Variants in VPS8 observed in about 807,000 individuals in gnomAD.
VPS8 encodes VPS8 subunit of CORVET complex.
Under a neutral mutation model 216.4 loss-of-function variants are expected in VPS8, and 129 were observed. The observed-to-expected ratio is 0.60, with a 90% CI of 0.52 to 0.69. The LOEUF (loss-of-function observed/expected upper bound fraction) is 0.69. Among genes scored for constraint, VPS8 ranks in the 30% least tolerant of loss-of-function variants. The pLI, the probability that VPS8 is intolerant of heterozygous loss-of-function variation, is 0.00. For missense variants in VPS8, 1,531 were observed against 1,683.5 expected, an observed-to-expected ratio of 0.91 and a Z score of 1.59; for synonymous variants, 571 against 565.4, an observed-to-expected ratio of 1.01 and a Z score of -0.14.
chr3:184,910,208 A>T (rs1230240311), intron 25 of VPS8, among the ~76,000 whole-genome samples: 1 of 138,324 alleles, frequency 7.2e-6, no homozygotes, highest in Non-Finnish European at 1.5e-5. Flanking sequence ...ATCTCGGCTC[A>T]CTGCAAGCTC....
At chr3:184,916,442 A>G (rs1737613841) in intron 28 of VPS8, among the ~76,000 whole-genome samples, 1 of 152,212 alleles carries the variant, frequency 6.6e-6, no homozygotes, top group Non-Finnish European at 1.5e-5. Context: ...ACACCTAAAT[A>G]TTAATAGTGA....
chr3:184,823,420 A>G (rs1271296487), intron 1 of VPS8, among the ~76,000 whole-genome samples: 1 of 152,152 alleles, frequency 6.6e-6, no homozygotes, highest in African/African-American at 2.4e-5. Context: ...ATCCATCTTT[A>G]CTAACATACA....
chr3:184,869,646 A>AC, intron 20 of VPS8, 118 bp downstream of exon 20: 2 of 933,558 alleles, frequency 2.1e-6, no homozygotes, highest in South Asian at 1.6e-5. Flanking sequence ...TGTATTAAAA[A>AC]ACACACACAC....
intron 26 of VPS8, among the ~76,000 whole-genome samples, chr3:184,914,592 A>G (rs923902492): frequency 1.3e-5 from 2 of 152,222 alleles, no homozygotes; most frequent in African/African-American, 4.8e-5. Context: ...GTTTAACAGT[A>G]TCTGAGAACG....
At chr3:184,899,112 C>T (rs1734028610) in intron 24 of VPS8, among the ~76,000 whole-genome samples, 1 of 152,116 alleles carries the variant, frequency 6.6e-6, no homozygotes, top group Non-Finnish European at 1.5e-5. Flanking sequence ...GATCATTTTT[C>T]ACTTTTACTG....
At chr3:184,825,157 G>T in intron 2 of VPS8, 1 of 216,150 alleles carries the variant, frequency 4.6e-6, no homozygotes, top group Non-Finnish European at 9.7e-6. Flanking sequence ...TCCCTTCTTG[G>T]CCCCCACGTG....
chr3:184,862,954 G>C lies in VPS8; in HGVS notation c.1282G>C (p.Asp428His). Reference protein sequence around the residue: ...LDSVEKLHVIDRQTQEELETV... With the variant: ...LDSVEKLHVIHRQTQEELETV... ...CAGCGTAGAGAAGTTGCATGTGATTGATCGGCAAACACAAGAGGAATTGGA... is the reference window on the plus strand; with the variant it reads ...CAGCGTAGAGAAGTTGCATGTGATTCATCGGCAAACACAAGAGGAATTGGA... Residue 428 changes from aspartate to histidine, a missense_variant, in exon 16 of 48, where the codon GAT becomes CAT. This residue lies in a region of VPS8 where 1,318 missense variants were observed against 1,468.4 expected (regional missense o/e 0.90). Coordinates refer to ENST00000625842, the MANE Select transcript of VPS8 (RefSeq NM_001009921.3). 6.2e-7 allele frequency: 1 copy of C among 1,613,924 alleles called. No homozygotes were observed. The highest frequency in any genetic ancestry group is 1.7e-5 in the Admixed American group (1 of 60,028).
chr3:184,849,282 A>T, intron 9 of VPS8, 87 bp downstream of exon 9: 1 of 1,456,588 alleles, frequency 6.9e-7, no homozygotes, highest in East Asian at 2.4e-5. Context: ...AAAGACCAAA[A>T]TACGTGTTAT....
At chr3:184,839,675 G>A (rs376420864) in intron 6 of VPS8, 23 bp from the exon 7 acceptor site, 72 of 1,589,390 alleles carry the variant, frequency 4.5e-5, no homozygotes, top group Admixed American at 1.2e-4. Flanking sequence ...GTCTTAAAAC[G>A]TAATCTTCCC....
At chr3:185,035,456 A>AT (rs1758754466) in intron 46 of VPS8, among the ~76,000 whole-genome samples, 1 of 152,222 alleles carries the variant, frequency 6.6e-6, no homozygotes, top group Non-Finnish European at 1.5e-5. Context: ...GGTTCAATAT[A>AT]TGCAAATGAA....
chr3:185,000,004 A>G lies in VPS8; in HGVS notation c.4002+143A>G, dbSNP rs183758052. ...TACATGAAATGTTCTTTTCAGTCCT[A>G]TTTAGTGTTCGAAGAGCCTCTCCTC... On this transcript the variant is annotated intron_variant, in intron 45 of 47. Transcript: ENST00000625842. 60 of 949,652 alleles carry G rather than the reference A, an allele frequency of 6.3e-5. No homozygotes were observed. In the African/African-American group the frequency reaches 8.5e-4, roughly 13 times the overall value. The allele number at this position is 949,652 out of a possible 1,614,324, so 58.8% of individuals were successfully genotyped here. A position where few individuals can be genotyped will look rare whatever the true frequency, so the allele number is the denominator to read the frequency against.
intron 8 of VPS8, among the ~76,000 whole-genome samples, chr3:184,846,590 C>A (rs1723178867): frequency 6.6e-6 from 1 of 152,228 alleles, no homozygotes; most frequent in South Asian, 2.1e-4. Context: ...TGAATCAGAA[C>A]TCTGTGAAGT....
intron 36 of VPS8, among the ~76,000 whole-genome samples, chr3:184,949,053 C>T (rs1744194147): frequency 6.6e-6 from 1 of 152,058 alleles, no homozygotes; most frequent in Non-Finnish European, 1.5e-5. Context: ...CACCTGTAAC[C>T]TCACCACTTT....
At chr3:185,048,725 C>T (rs560730350) in intron 47 of VPS8, among the ~76,000 whole-genome samples, 166 bp downstream of exon 47, 14 of 152,242 alleles carry the variant, frequency 9.2e-5, no homozygotes, top group Admixed American at 4.6e-4. Context: ...AAGGAGCACT[C>T]AGAGCTTGGC....
intron 40 of VPS8, among the ~76,000 whole-genome samples, chr3:184,980,883 A>G (rs1170126479): frequency 6.6e-6 from 1 of 152,196 alleles, no homozygotes; most frequent in Non-Finnish European, 1.5e-5. Context: ...TTTGCTGTTA[A>G]GAAGAAACTC....
chr3:184,929,727 T>C, intron 33 of VPS8, 63 bp downstream of exon 33: 1 of 977,948 alleles, frequency 1.0e-6, no homozygotes, highest in Non-Finnish European at 1.5e-6. Flanking sequence ...TGAGTACAAA[T>C]AACTGTTGAG....
intron 17 of VPS8, 36 bp downstream of exon 17, chr3:184,866,986 G>A: frequency 6.3e-7 from 1 of 1,593,290 alleles, no homozygotes. Context: ...GTATTTGTAT[G>A]TATCAGGGTA....
At chr3:184,875,635 T>C (rs1039849520) in intron 21 of VPS8, among the ~76,000 whole-genome samples, 4 of 151,932 alleles carry the variant, frequency 2.6e-5, no homozygotes, top group African/African-American at 9.7e-5. Flanking sequence ...CCTCACGCCG[T>C]CTCTAATATC....
Position 184,869,000 on chromosome 3 carries a change from T to C in VPS8, c.1561T>C (p.Trp521Arg). ...DCLTEALALAWSFHEGKAKAV... is the reference protein window; with the variant it reads ...DCLTEALALARSFHEGKAKAV... ...TCTTACAGAAGCGTTGGCTCTTGCG[T>C]GGTCTTTCCATGAAGGAAAAGCAAA... Residue 521 changes from tryptophan to arginine, a missense_variant, in exon 19 of 48, where the codon TGG becomes CGG. This residue lies in a region of VPS8 where 1,318 missense variants were observed against 1,468.4 expected (regional missense o/e 0.90). Transcript: ENST00000625842. 6.2e-7 allele frequency: 1 copy of C among 1,610,540 alleles called. No individual in the cohort carries two copies. Among genetic ancestry groups the C allele is most frequent in the Non-Finnish European group, 8.5e-7 (1 of 1,178,492 alleles).
Sources: gnomAD v4.1 joint callset for allele counts (sites outside exome capture counted in the v4.1 genomes callset) on GRCh38, gnomAD v4.1.1 for gene constraint, gnomAD v4.1.1 regional missense constraint, MANE v1.5 for transcripts, NCBI Gene and HGNC (gene_info 2026-07-23, HGNC 2026-07-21) for gene names.